Variants in LMBRD2 observed in about 807,000 individuals in gnomAD.
LMBRD2 encodes the protein LMBR1 domain containing 2, also known as G protein-coupled receptor-associated protein LMBRD2.
In LMBRD2, 55 loss-of-function variants were observed where a neutral mutation model predicts 94.4. The ratio of observed to expected loss-of-function variants is 0.58; its 90% CI spans 0.47 to 0.73. LMBRD2 has a LOEUF of 0.73. LMBRD2 is among the 30% of genes least tolerant of loss of function. The pLI, the probability that LMBRD2 is intolerant of heterozygous loss-of-function variation, is 0.00. For synonymous variants in LMBRD2, 246 were observed against 272.4 expected, an observed-to-expected ratio of 0.90 and a Z score of 0.95; for missense variants, 640 against 831.9, an observed-to-expected ratio of 0.77 and a Z score of 2.84.
Position 36,116,351 on chromosome 5 carries a change from T to C in LMBRD2, c.1436+109A>G, listed in dbSNP as rs1426138004. 3 of 959,426 alleles carry C rather than the reference T, an allele frequency of 3.1e-6. No homozygotes were observed. The Admixed American group carries it at 7.6e-5, about 24-fold the overall frequency. The allele number at this position is 959,426 out of a possible 1,614,324, so 59.4% of individuals were successfully genotyped here. On this transcript the variant is annotated intron_variant, in intron 11 of 17. Coordinates refer to ENST00000296603, the MANE Select transcript of LMBRD2 (RefSeq NM_001007527.2). ...TATTTGAAACTAATCAATTAGCTGA[T>C]AGAAATATAGATGTTAGTGGAACAC...
chr5:36,105,328 C>A, intron 16 of LMBRD2, 131 bp from the exon 17 acceptor site: 2 of 768,782 alleles, frequency 2.6e-6, no homozygotes, highest in Non-Finnish European at 4.2e-6. Context: ...GAAAAGATAA[C>A]TACATGGTTC....
intron 2 of LMBRD2, 22 bp downstream of exon 2, chr5:36,143,154 G>A (rs1561523945): frequency 6.6e-7 from 1 of 1,521,922 alleles, no homozygotes. Flanking sequence ...TTTAAATTGT[G>A]AAAATAAATT....
chr5:36,147,140 T>G (rs1744568089), intron 1 of LMBRD2, among the ~76,000 whole-genome samples: 1 of 152,168 alleles, frequency 6.6e-6, no homozygotes, highest in African/African-American at 2.4e-5. Context: ...TCTTAGGGGT[T>G]TATTATTCTG....
At chr5:36,142,668 G>T in intron 2 of LMBRD2, 69 bp from the exon 3 acceptor site, 1 of 818,058 alleles carries the variant, frequency 1.2e-6, no homozygotes, top group Non-Finnish European at 2.1e-6. Flanking sequence ...GGACATCAGA[G>T]TTTATAAATC....
At chr5:36,144,192 G>A (rs529665197) in intron 1 of LMBRD2, among the ~76,000 whole-genome samples, 1 of 152,038 alleles carries the variant, frequency 6.6e-6, no homozygotes, top group South Asian at 2.1e-4. Flanking sequence ...AAAAGTTAGA[G>A]TATAGAGATT....
At chr5:36,134,041 G>A (rs1192072006) in intron 6 of LMBRD2, among the ~76,000 whole-genome samples, 2 of 151,740 alleles carry the variant, frequency 1.3e-5, no homozygotes, top group Non-Finnish European at 2.9e-5. Flanking sequence ...TCAAATATAA[G>A]TATCTTATTG....
chr5:36,115,451 G>A (rs1743717785), intron 11 of LMBRD2, among the ~76,000 whole-genome samples: 1 of 152,028 alleles, frequency 6.6e-6, no homozygotes, highest in Non-Finnish European at 1.5e-5. Context: ...AGCATGACAA[G>A]GACAGTAACA....
At chr5:36,115,145 T>C in intron 11 of LMBRD2, 25 bp from the exon 12 acceptor site, 1 of 1,438,120 alleles carries the variant, frequency 7.0e-7, no homozygotes, top group Non-Finnish European at 9.7e-7. Context: ...TAAAAATATG[T>C]ATATAAAAAG....
chr5:36,140,017 A>C (rs1744365782), intron 4 of LMBRD2, among the ~76,000 whole-genome samples: 2 of 152,180 alleles, frequency 1.3e-5, no homozygotes, highest in African/African-American at 2.4e-5. Flanking sequence ...ACGAGAAGAG[A>C]AGAGCTGTGG....
intron 9 of LMBRD2, among the ~76,000 whole-genome samples, chr5:36,120,652 C>T (rs1743868455): frequency 6.6e-6 from 1 of 152,116 alleles, no homozygotes; most frequent in Non-Finnish European, 1.5e-5. Flanking sequence ...TTTCTCTGTT[C>T]CCTTTTATAA....
chr5:36,135,764 T>C (rs780583221), intron 6 of LMBRD2, among the ~76,000 whole-genome samples: 2 of 152,208 alleles, frequency 1.3e-5, no homozygotes, highest in Non-Finnish European at 2.9e-5. Context: ...ATGTACAGTA[T>C]TGAAAGTTAT....
At chr5:36,144,486 C>A (rs538928097) in intron 1 of LMBRD2, among the ~76,000 whole-genome samples, 11 of 152,244 alleles carry the variant, frequency 7.2e-5, no homozygotes, top group Admixed American at 2.6e-4. Flanking sequence ...AGTTCATGAC[C>A]AGCCTGGGCC....
rs752249915 is a variant in LMBRD2 at position 36,108,627 on chromosome 5, G to A, written c.1804C>T (p.Arg602Cys). 8.6e-6 allele frequency: 13 copies of A among 1,517,102 alleles called. No homozygotes were observed. Among genetic ancestry groups the A allele is most frequent in the South Asian group, 2.6e-5 (2 of 76,440 alleles). The allele number at this position is 1,517,102 out of a possible 1,614,324, so 94.0% of individuals were successfully genotyped here. A position where few individuals can be genotyped will look rare whatever the true frequency, so the allele number is the denominator to read the frequency against. ...GAATCTTCTCTATTGTGTCCATAAC[G>A]TTCTTTCCATTCCTAGAAAAGAAGC... ...GENRRREWKE[R>C]YGHNREDSTR... is the part of the protein sequence containing the mutation. The change falls in exon 16 of 18, where the codon CGT becomes TGT. Residue 602 changes from arginine (R) to cysteine (C), a missense_variant. Around this residue, in one of 2 missense-constraint regions of LMBRD2, gnomAD observed 183 missense variants for 189.1 expected, o/e 0.97. Transcript: ENST00000296603.
At chr5:36,125,327 GT>G (rs1743983652) in intron 6 of LMBRD2, among the ~76,000 whole-genome samples, 2 of 152,204 alleles carry the variant, frequency 1.3e-5, no homozygotes, top group Non-Finnish European at 1.5e-5. Flanking sequence ...GGGGCATAGA[GT>G]AGAGCAGGGT....
intron 6 of LMBRD2, among the ~76,000 whole-genome samples, chr5:36,135,705 A>G (rs1157641627): frequency 6.6e-6 from 1 of 152,200 alleles, no homozygotes; most frequent in African/African-American, 2.4e-5. Flanking sequence ...AATCCATAAC[A>G]AAATTTTTAT....
At chr5:36,113,374 C>T (rs1414540688) in intron 13 of LMBRD2, among the ~76,000 whole-genome samples, 1 of 152,012 alleles carries the variant, frequency 6.6e-6, no homozygotes, top group Non-Finnish European at 1.5e-5. Context: ...ATTGCTCACT[C>T]GGGGATCTCG....
chr5:36,126,839 C>G (rs1156421557), intron 6 of LMBRD2, among the ~76,000 whole-genome samples: 5 of 152,202 alleles, frequency 3.3e-5, no homozygotes, highest in Non-Finnish European at 5.9e-5. Flanking sequence ...TGTTATCTGT[C>G]AAATGACTGG....
chr5:36,141,346 A>G, intron 3 of LMBRD2, 144 bp from the exon 4 acceptor site: 1 of 471,302 alleles, frequency 2.1e-6, no homozygotes, highest in South Asian at 4.7e-5. Flanking sequence ...AATTTCAAAG[A>G]AATTTTAAAA....
At chr5:36,105,771 C>T (rs1312968097) in intron 16 of LMBRD2, among the ~76,000 whole-genome samples, 2 of 152,108 alleles carry the variant, frequency 1.3e-5, no homozygotes, top group African/African-American at 4.8e-5. Flanking sequence ...ATTACCATTT[C>T]AACATGTTGC....
Sources: gnomAD v4.1 joint callset for allele counts (sites outside exome capture counted in the v4.1 genomes callset) on GRCh38, gnomAD v4.1.1 for gene constraint, gnomAD v4.1.1 regional missense constraint, MANE v1.5 for transcripts, NCBI Gene and HGNC (gene_info 2026-07-23, HGNC 2026-07-21) for gene names.